Variants in JAM3 observed in about 807,000 individuals in gnomAD.
The protein encoded by JAM3 is junctional adhesion molecule 3.
In JAM3, 31 loss-of-function variants were observed where a neutral mutation model predicts 39.4. That is an observed-to-expected ratio of 0.79 (90% CI 0.59 to 1.06). The LOEUF (loss-of-function observed/expected upper bound fraction) is 1.06. Ranked by LOEUF, JAM3 falls within the 50% of genes least tolerant of loss-of-function variation. The probability of loss-of-function intolerance (pLI) is 0.00; values close to 1 mark genes in which losing one functional copy is unlikely to be tolerated. For missense variants in JAM3, 455 were observed against 391.4 expected (o/e 1.16, Z -1.37); for synonymous variants, 182 against 148.7 (o/e 1.22, Z -1.63).
chr11:134,145,123 A>G, intron 5 of JAM3, 129 bp downstream of exon 5: 2 of 800,316 alleles, frequency 2.5e-6, no homozygotes, highest in Non-Finnish European at 2.2e-6. Context: ...CTAGAATGTT[A>G]GGGATTCTAC....
intron 1 of JAM3, among the ~76,000 whole-genome samples, chr11:134,106,521 A>G (rs1942191234): frequency 6.6e-6 from 1 of 152,260 alleles, no homozygotes; most frequent in African/African-American, 2.4e-5. Flanking sequence ...GAGCTTCTGC[A>G]CAGCAAAAGA....
chr11:134,115,032 G>T (rs980363471), intron 1 of JAM3, among the ~76,000 whole-genome samples: 2 of 152,068 alleles, frequency 1.3e-5, no homozygotes, highest in Non-Finnish European at 2.9e-5. Flanking sequence ...CTGTTACTAG[G>T]TACATACATG....
chr11:134,076,404 C>G (rs1331212934), intron 1 of JAM3, among the ~76,000 whole-genome samples: 1 of 152,050 alleles, frequency 6.6e-6, no homozygotes, highest in African/African-American at 2.4e-5. Flanking sequence ...ATCCGCCTGC[C>G]TCGGCCTCCC....
intron 1 of JAM3, among the ~76,000 whole-genome samples, chr11:134,105,717 C>CAG (rs200676460): frequency 6.6e-6 from 1 of 151,178 alleles, no homozygotes; most frequent in African/African-American, 2.4e-5. Flanking sequence ...AATAGACAAA[C>CAG]AGCCAAATCA....
intron 1 of JAM3, among the ~76,000 whole-genome samples, chr11:134,078,608 C>T (rs1042925398): frequency 2.0e-5 from 3 of 152,228 alleles, no homozygotes; most frequent in Non-Finnish European, 4.4e-5. Flanking sequence ...CCCTCCAGGG[C>T]ATCTAATCAG....
At chr11:134,100,107 T>C (rs1346822958) in intron 1 of JAM3, among the ~76,000 whole-genome samples, 1 of 152,204 alleles carries the variant, frequency 6.6e-6, no homozygotes, top group Non-Finnish European at 1.5e-5. Flanking sequence ...AGATGTTAAA[T>C]TCTTCTCAAA....
At chr11:134,126,199 G>T (rs565479903) in intron 1 of JAM3, 41 of 152,282 alleles carry the variant, frequency 2.7e-4, no homozygotes, top group African/African-American at 9.9e-4. Flanking sequence ...CTTGAGCCTA[G>T]AAATTACTTA....
At position 134,105,686 on chromosome 11, in the gene JAM3, CA is replaced by C. The variant is rs577295660; in HGVS notation, c.77-34163del. ...ATACAAAATCAATGTCCAGACATCA[CA>C]AGCATTCTTATATACCAATAATAGA... On this transcript the variant is annotated intron_variant, in intron 1 of 8. Coordinates refer to ENST00000299106, the MANE Select transcript of JAM3 (RefSeq NM_032801.5). 5.1e-4 allele frequency among the ~76,000 whole-genome samples: 76 copies of C among 148,322 alleles called. 2 individuals are homozygous for C. Among genetic ancestry groups the C allele is most frequent in the African/African-American group, 1.7e-3 (67 of 39,082 alleles).
chr11:134,149,478 T>TTA lies in JAM3; in HGVS notation c.*297_*298insTA. The TTA allele has an allele frequency of 1.8e-6, 1 of 551,798 alleles. No individual in the cohort carries two copies. Among genetic ancestry groups the TTA allele is most frequent in the Non-Finnish European group, 3.3e-6 (1 of 303,082 alleles). 34.2% of individuals were successfully genotyped at this position (551,798 alleles called of 1,614,324 possible). On this transcript the variant is annotated 3_prime_UTR_variant, in exon 9 of 9. Coordinates refer to ENST00000299106, the MANE Select transcript of JAM3 (RefSeq NM_032801.5). ...GATTCCCGCATGAGTATTAGGGTGA[T>TTA]CTTAAAGAGTTTGCTCACGTAAACG...
chr11:134,149,540 C>T lies in JAM3; in HGVS notation c.*359C>T, dbSNP rs193206631. 6.3e-4 allele frequency: 317 copies of T among 499,520 alleles called. 2 individuals are homozygous for T. The highest frequency in any genetic ancestry group is 1.3e-3 in the Admixed American group (55 of 43,604). The allele number at this position is 499,520 out of a possible 1,614,324, so 30.9% of individuals were successfully genotyped here. ...CCCTGTGAAGCCAGCATGTTCACCACTGGTCGTTCAGCAGCCACGACAGCA... is the reference window on the plus strand; with the variant it reads ...CCCTGTGAAGCCAGCATGTTCACCATTGGTCGTTCAGCAGCCACGACAGCA... On this transcript the variant is annotated 3_prime_UTR_variant, in exon 9 of 9. Coordinates refer to ENST00000299106, the MANE Select transcript of JAM3 (RefSeq NM_032801.5).
chr11:134,097,406 T>G (rs1488493089), intron 1 of JAM3, among the ~76,000 whole-genome samples: 1 of 152,200 alleles, frequency 6.6e-6, no homozygotes, highest in Non-Finnish European at 1.5e-5. Flanking sequence ...CAGGAACAGG[T>G]TGTATTGACT....
At chr11:134,078,995 C>T (rs182522741) in intron 1 of JAM3, among the ~76,000 whole-genome samples, 4 of 152,134 alleles carry the variant, frequency 2.6e-5, no homozygotes, top group Admixed American at 1.3e-4. Flanking sequence ...GCCAAGATCA[C>T]GCCATTGTAC....
intron 1 of JAM3, among the ~76,000 whole-genome samples, chr11:134,078,403 A>T (rs1941608394): frequency 6.6e-6 from 1 of 152,140 alleles, no homozygotes; most frequent in Non-Finnish European, 1.5e-5. Context: ...TACAGGTGTG[A>T]GCCACCGCAC....
At chr11:134,084,335 G>A (rs942347439) in intron 1 of JAM3, among the ~76,000 whole-genome samples, 1 of 152,122 alleles carries the variant, frequency 6.6e-6, no homozygotes, top group African/African-American at 2.4e-5. Context: ...GCTAGACCGA[G>A]GTTTGAATCT....
chr11:134,121,376 T>C (rs1018408852), intron 1 of JAM3, among the ~76,000 whole-genome samples: 1 of 151,918 alleles, frequency 6.6e-6, no homozygotes, highest in Non-Finnish European at 1.5e-5. Context: ...GAGAAGAATC[T>C]GAGGAGCCGT....
chr11:134,133,852 C>T (rs778084301), intron 1 of JAM3, among the ~76,000 whole-genome samples: 2 of 152,098 alleles, frequency 1.3e-5, no homozygotes, highest in Non-Finnish European at 2.9e-5. Flanking sequence ...GTCTGGCTTT[C>T]AGCAAAAAGT....
chr11:134,131,022 T>G (rs565619484), intron 1 of JAM3, among the ~76,000 whole-genome samples: 13 of 152,184 alleles, frequency 8.5e-5, no homozygotes, highest in Admixed American at 5.9e-4. Flanking sequence ...CTTAGGAAAT[T>G]ACGACTCTCA....
intron 3 of JAM3, among the ~76,000 whole-genome samples, chr11:134,142,692 A>G (rs1447379376): frequency 6.6e-6 from 1 of 152,138 alleles, no homozygotes; most frequent in African/African-American, 2.4e-5. Context: ...ATATACTCAC[A>G]GTTGTGCAAC....
chr11:134,105,748 A>G (rs188849552), intron 1 of JAM3, among the ~76,000 whole-genome samples: 2,803 of 152,252 alleles, frequency 0.018, 44 homozygotes, highest in Non-Finnish European at 0.024. Flanking sequence ...CCCATTCGCA[A>G]TTGCTTCAAA....
Sources: allele counts gnomAD v4.1 joint callset (sites outside exome capture counted in the v4.1 genomes callset), GRCh38; gene constraint gnomAD v4.1.1; transcripts MANE v1.5; gene names NCBI Gene and HGNC (gene_info 2026-07-23, HGNC 2026-07-21).